Variants in TAF4B observed in about 807,000 individuals in gnomAD.
TAF4B encodes TATA-box binding protein associated factor 4b, also known as transcription initiation factor TFIID subunit 4B.
Under a neutral mutation model 86.4 loss-of-function variants are expected in TAF4B, and 38 were observed. The ratio of observed to expected loss-of-function variants is 0.44; its 90% CI spans 0.34 to 0.58. The LOEUF is 0.58. Ranked by LOEUF, TAF4B falls within the 20% of genes least tolerant of loss-of-function variation. The probability of loss-of-function intolerance (pLI) is 0.02; values close to 1 mark genes in which losing one functional copy is unlikely to be tolerated. For missense variants in TAF4B, 988 were observed against 1,027.6 expected (o/e 0.96, Z 0.53); for synonymous variants, 388 against 391.2 (o/e 0.99, Z 0.10).
chr18:26,252,083 A>G (rs921150813), intron 1 of TAF4B, among the ~76,000 whole-genome samples: 1 of 152,210 alleles, frequency 6.6e-6, no homozygotes, highest in Non-Finnish European at 1.5e-5. Flanking sequence ...TCTGAGGTTT[A>G]CCCATCCATG....
At chr18:26,336,695 T>A (rs1319598620) in intron 13 of TAF4B, among the ~76,000 whole-genome samples, 1 of 152,204 alleles carries the variant, frequency 6.6e-6, no homozygotes, top group Non-Finnish European at 1.5e-5. Context: ...GAGGATAGAT[T>A]ATTTAGGGAT....
intron 12 of TAF4B, among the ~76,000 whole-genome samples, chr18:26,330,418 A>T (rs2057041040): frequency 6.6e-6 from 1 of 151,978 alleles, no homozygotes; most frequent in African/African-American, 2.4e-5. Context: ...GGCACAAGGC[A>T]CTCCAGGCCC....
intron 10 of TAF4B, among the ~76,000 whole-genome samples, chr18:26,319,045 G>C (rs1356309430): frequency 6.6e-6 from 1 of 151,912 alleles, no homozygotes; most frequent in Non-Finnish European, 1.5e-5. Flanking sequence ...ATTTAAAAAA[G>C]TAGTTGGGCC....
At chr18:26,333,325 A>G (rs958775880) in intron 12 of TAF4B, among the ~76,000 whole-genome samples, 1 of 148,538 alleles carries the variant, frequency 6.7e-6, no homozygotes, top group Admixed American at 6.7e-5. Flanking sequence ...GGTTCAAACG[A>G]TTCTTAGGTC....
chr18:26,338,470 A>ATTTTTTTTTT (rs764826705), intron 13 of TAF4B, among the ~76,000 whole-genome samples: 1 of 71,186 alleles, frequency 1.4e-5, no homozygotes, highest in Non-Finnish European at 2.5e-5. Flanking sequence ...AAGAACTAGA[A>ATTTTTTTTTT]TTTTTTTTTT....
At chr18:26,347,110 T>A (rs1394286176) in intron 13 of TAF4B, among the ~76,000 whole-genome samples, 6 of 150,480 alleles carry the variant, frequency 4.0e-5, no homozygotes, top group Non-Finnish European at 7.4e-5. Context: ...TCAGTAGAGA[T>A]GGGGTTTCAC....
At chr18:26,294,665 G>A (rs2056639169) in intron 9 of TAF4B, among the ~76,000 whole-genome samples, 2 of 144,722 alleles carry the variant, frequency 1.4e-5, no homozygotes, top group African/African-American at 5.0e-5. Flanking sequence ...ATTTATTTAT[G>A]AATATTTATA....
chr18:26,306,219 A>G (rs1225846736), intron 9 of TAF4B, among the ~76,000 whole-genome samples: 1 of 152,066 alleles, frequency 6.6e-6, no homozygotes, highest in Non-Finnish European at 1.5e-5. Context: ...GCGTATATTT[A>G]TGGGTTATGT....
intron 14 of TAF4B, among the ~76,000 whole-genome samples, chr18:26,380,864 C>CT: frequency 6.8e-6 from 1 of 146,398 alleles, no homozygotes; most frequent in East Asian, 1.9e-4. Context: ...GTAAATACTG[C>CT]TATGACTGGA....
chr18:26,316,416 A>G (rs2056912601), intron 10 of TAF4B, among the ~76,000 whole-genome samples: 1 of 150,698 alleles, frequency 6.6e-6, no homozygotes, highest in African/African-American at 2.4e-5. Flanking sequence ...AGATGGAGGG[A>G]GCCTCACTCT....
At chr18:26,386,879 T>A (rs1266699886) in intron 14 of TAF4B, among the ~76,000 whole-genome samples, 1 of 152,174 alleles carries the variant, frequency 6.6e-6, no homozygotes, top group East Asian at 1.9e-4. Flanking sequence ...TATTTCTGGG[T>A]GTTTACATAG....
At chr18:26,243,692 C>T (rs1179690998) in intron 1 of TAF4B, among the ~76,000 whole-genome samples, 1 of 152,188 alleles carries the variant, frequency 6.6e-6, no homozygotes, top group East Asian at 1.9e-4. Flanking sequence ...AGCTTTTCTG[C>T]TCTGGTTTCT....
chr18:26,237,452 C>T (rs2055766132), intron 1 of TAF4B, among the ~76,000 whole-genome samples: 2 of 152,060 alleles, frequency 1.3e-5, no homozygotes, highest in African/African-American at 2.4e-5. Flanking sequence ...TTTCCCTTCC[C>T]CTACAGCTTG....
chr18:26,378,190 C>CT (rs776177993), intron 14 of TAF4B, among the ~76,000 whole-genome samples: 18 of 152,148 alleles, frequency 1.2e-4, no homozygotes, highest in Non-Finnish European at 1.9e-4. Context: ...GCCAGCAGTA[C>CT]TAAACATTGC....
intron 12 of TAF4B, among the ~76,000 whole-genome samples, chr18:26,329,922 A>AG (rs1299153227): frequency 2.6e-5 from 4 of 152,102 alleles, no homozygotes; most frequent in Non-Finnish European, 2.9e-5. Flanking sequence ...CTCCCACCTC[A>AG]GCCCCCCAAG....
At chr18:26,246,575 C>G (rs1395676643) in intron 1 of TAF4B, among the ~76,000 whole-genome samples, 4 of 151,932 alleles carry the variant, frequency 2.6e-5, no homozygotes, top group Non-Finnish European at 5.9e-5. Context: ...ACTCTGTCGC[C>G]CACGCTGGAG....
At chr18:26,261,205 G>C (rs868519524) in intron 1 of TAF4B, among the ~76,000 whole-genome samples, 1 of 113,558 alleles carries the variant, frequency 8.8e-6, no homozygotes, top group African/African-American at 3.1e-5. Context: ...TTTTTGAGAC[G>C]GAGTCTCGCT....
At chr18:26,272,226 C>G (rs933196106) in intron 3 of TAF4B, among the ~76,000 whole-genome samples, 2 of 152,192 alleles carry the variant, frequency 1.3e-5, no homozygotes, top group Admixed American at 6.5e-5. Context: ...GCATTAGATT[C>G]TCACGAGGAG....
At position 26,315,139 on chromosome 18, in the gene TAF4B, TCTCTCTG is replaced by T. The variant is rs1568147915; in HGVS notation, c.1833-89_1833-83del. The T allele has an allele frequency of 1.5e-3, 534 of 368,226 alleles. 13 individuals carry two copies. Among genetic ancestry groups the T allele is most frequent in the Non-Finnish European group, 1.8e-3 (455 of 250,812 alleles). 22.8% of individuals were successfully genotyped at this position (368,226 alleles called of 1,614,324 possible). On this transcript the variant is annotated intron_variant, in intron 9 of 14. Transcript: ENST00000269142. Reference sequence around the variant, plus strand: ...CTCTCTCTCTCTCTCTCTCTCTCTCTCTCTCTGTCTCTCTCTCTCTCTCACACACACA... The same window carrying T: ...CTCTCTCTCTCTCTCTCTCTCTCTCTTCTCTCTCTCTCTCTCACACACACA...
Sources: gnomAD v4.1 joint callset for allele counts (sites outside exome capture counted in the v4.1 genomes callset) on GRCh38, gnomAD v4.1.1 for gene constraint, MANE v1.5 for transcripts, NCBI Gene and HGNC (gene_info 2026-07-23, HGNC 2026-07-21) for gene names.